Variants in KIF6 observed in about 807,000 individuals in gnomAD.
The protein encoded by KIF6 is kinesin family member 6, also known as kinesin-like protein KIF6.
Under a neutral mutation model 112.7 loss-of-function variants are expected in KIF6, and 106 were observed. The ratio of observed to expected loss-of-function variants is 0.94; its 90% CI spans 0.80 to 1.11. The LOEUF (loss-of-function observed/expected upper bound fraction) is 1.11. Among genes scored for constraint, KIF6 ranks in the 50% least tolerant of loss-of-function variants. KIF6 has a pLI of 0.00. For missense variants in KIF6, 929 were observed against 964.0 expected (o/e 0.96, Z 0.48); for synonymous variants, 339 against 339.9 (o/e 1.00, Z 0.03).
chr6:39,457,790 C>T (rs889430043), intron 13 of KIF6, among the ~76,000 whole-genome samples: 6 of 152,076 alleles, frequency 3.9e-5, no homozygotes, highest in South Asian at 2.1e-4. Context: ...GTACAATCCT[C>T]GACACATACA....
rs1408769995 is a variant in KIF6, at chr6:39,578,045, T to C, written c.1181+11A>G. 1.3e-6 allele frequency: 2 copies of C among 1,584,524 alleles called. No homozygotes were observed. Among genetic ancestry groups the C allele is most frequent in the East Asian group, 4.5e-5 (2 of 44,702 alleles). On this transcript the variant is annotated intron_variant, in intron 10 of 22. Transcript: ENST00000287152. ...TGTTAAAGAAAAAGAAAAAAAAGTC[T>C]GCAGACTTACTGAAGGAGCTCTGCT...
Position 39,677,553 on chromosome 6 carries a change from C to T in KIF6, c.251+37139G>A, listed in dbSNP as rs1324691369. Among the ~76,000 whole-genome samples the T allele has an allele frequency of 1.4e-4, 17 of 119,046 alleles. No homozygotes were observed. In the East Asian group the frequency reaches 3.0e-3, roughly 21 times the overall value. 78.1% of individuals were successfully genotyped at this position (119,046 alleles called of 152,430 possible). On this transcript the variant is annotated intron_variant, in intron 3 of 22. Coordinates refer to ENST00000287152, the MANE Select transcript of KIF6 (RefSeq NM_145027.6). ...TTTATTTATTTATTTTTATTTTACT[C>T]TAAGTTTTAGGGTACATGTGCACAT... is the stretch of plus-strand genomic sequence containing the variant.
At chr6:39,472,090 G>T (rs1052483087) in intron 13 of KIF6, among the ~76,000 whole-genome samples, 6 of 152,058 alleles carry the variant, frequency 3.9e-5, no homozygotes, top group African/African-American at 1.4e-4. Context: ...GCAAACTCCT[G>T]GAAGAGCTGT....
At chr6:39,476,038 G>C (rs1015672409) in intron 13 of KIF6, among the ~76,000 whole-genome samples, 1 of 151,840 alleles carries the variant, frequency 6.6e-6, no homozygotes, top group African/African-American at 2.4e-5. Context: ...ACACATACTC[G>C]GGCCTGTGGT....
At chr6:39,658,684 T>G (rs1785947174) in intron 3 of KIF6, among the ~76,000 whole-genome samples, 1 of 152,194 alleles carries the variant, frequency 6.6e-6, no homozygotes, top group East Asian at 1.9e-4. Flanking sequence ...CATGTTAAGT[T>G]CAGAGTCATA....
intron 6 of KIF6, among the ~76,000 whole-genome samples, chr6:39,606,323 A>C (rs182617956): frequency 6.6e-6 from 1 of 152,010 alleles, no homozygotes; most frequent in African/African-American, 2.4e-5. Context: ...AAAAACAAAG[A>C]TTGTCTTTAA....
Position 39,637,253 on chromosome 6 carries a change from A to T in KIF6, c.400-2295T>A, listed in dbSNP as rs139802505. On this transcript the variant is annotated intron_variant, in intron 4 of 22. Transcript: ENST00000287152. The stretch of plus-strand genomic sequence containing the variant: ...TCCACTGCCCTGAGGTGATAGGGAT[A>T]ATGTCTTTGGCTCTTTCAGCTTCTG... Among the ~76,000 whole-genome samples the T allele has an allele frequency of 1.4e-4, 21 of 152,146 alleles. No homozygotes were observed. In the East Asian group the frequency reaches 4.1e-3, roughly 29 times the overall value.
At chr6:39,412,148 A>G (rs1769524313) in intron 15 of KIF6, among the ~76,000 whole-genome samples, 1 of 152,176 alleles carries the variant, frequency 6.6e-6, no homozygotes. Context: ...CAATCTTGCT[A>G]GTGAAGGTAC....
chr6:39,429,161 A>G (rs1020850854), intron 14 of KIF6, among the ~76,000 whole-genome samples: 1 of 152,210 alleles, frequency 6.6e-6, no homozygotes, highest in Non-Finnish European at 1.5e-5. Flanking sequence ...AAAAGCCAGG[A>G]TGATAGTCTA....
intron 19 of KIF6, among the ~76,000 whole-genome samples, chr6:39,348,567 A>T (rs1039531983): frequency 6.6e-6 from 1 of 152,194 alleles, no homozygotes; most frequent in Admixed American, 6.5e-5. Context: ...CCTTTGCCCA[A>T]CCAGCCTTTG....
chr6:39,386,127 T>A (rs944030654), intron 15 of KIF6, among the ~76,000 whole-genome samples: 1 of 152,212 alleles, frequency 6.6e-6, no homozygotes, highest in African/African-American at 2.4e-5. Flanking sequence ...ATAACCCTAA[T>A]AGTTGGTCAT....
At chr6:39,571,158 T>A (rs1244739279) in intron 10 of KIF6, among the ~76,000 whole-genome samples, 1 of 152,204 alleles carries the variant, frequency 6.6e-6, no homozygotes, top group Non-Finnish European at 1.5e-5. Flanking sequence ...TGTTTTACAG[T>A]CATAAGTTAT....
At chr6:39,575,648 G>A (rs975831910) in intron 10 of KIF6, among the ~76,000 whole-genome samples, 2 of 152,104 alleles carry the variant, frequency 1.3e-5, no homozygotes, top group Admixed American at 6.6e-5. Context: ...AACTTCTCTG[G>A]GCTCTCTGTC....
intron 13 of KIF6, among the ~76,000 whole-genome samples, chr6:39,524,089 G>A (rs548919641): frequency 1.3e-5 from 2 of 151,974 alleles, no homozygotes; most frequent in African/African-American, 4.8e-5. Context: ...ATTGGCGAAA[G>A]AATAATGTTT....
chr6:39,362,639 T>C, intron 16 of KIF6, 121 bp from the exon 17 acceptor site: 1 of 749,172 alleles, frequency 1.3e-6, no homozygotes, highest in South Asian at 1.6e-5. Flanking sequence ...GTGAGTTCCT[T>C]CTGGGGCCTC....
chr6:39,559,683 C>T (rs1267183456), intron 10 of KIF6, among the ~76,000 whole-genome samples: 1 of 152,096 alleles, frequency 6.6e-6, no homozygotes, highest in African/African-American at 2.4e-5. Flanking sequence ...ATCTCATTTA[C>T]ATTTATTCAG....
At chr6:39,490,560 C>T (rs554380754) in intron 13 of KIF6, among the ~76,000 whole-genome samples, 20 of 152,152 alleles carry the variant, frequency 1.3e-4, no homozygotes, top group Admixed American at 3.9e-4. Flanking sequence ...TTGAGGAATT[C>T]GGGAAGGGAT....
chr6:39,360,486 A>T lies in KIF6; in HGVS notation c.1991T>A (p.Ile664Asn), dbSNP rs148383716. Residue 664 changes from isoleucine (I) to asparagine (N), a missense_variant, in exon 18 of 23, where the codon ATC (isoleucine) becomes AAC (asparagine). Around this residue, in one of 2 missense-constraint regions of KIF6, gnomAD observed 241 missense variants for 301.4 expected, o/e 0.80. Transcript: ENST00000287152. ...GTCCATGAGCAGCTGCAAGTGCTCG[A>T]TCTCCACCTTCAGGGCTTTCAGGCG... ...FTRLKALKVE[I>N]EHLQLLMDKA... is the part of the protein sequence containing the mutation. 86 of 1,614,100 alleles carry T rather than the reference A, an allele frequency of 5.3e-5. No individual in the cohort carries two copies. Among genetic ancestry groups the T allele is most frequent in the Non-Finnish European group, 6.9e-5 (82 of 1,180,044 alleles).
At chr6:39,581,583 A>C (rs1781299093) in intron 9 of KIF6, among the ~76,000 whole-genome samples, 1 of 152,126 alleles carries the variant, frequency 6.6e-6, no homozygotes, top group South Asian at 2.1e-4. Flanking sequence ...TTTTCAGAAA[A>C]ACTACTTTTT....
Sources: allele counts gnomAD v4.1 joint callset (sites outside exome capture counted in the v4.1 genomes callset), GRCh38; gene constraint gnomAD v4.1.1; regional missense constraint gnomAD v4.1.1; transcripts MANE v1.5; gene names NCBI Gene and HGNC (gene_info 2026-07-23, HGNC 2026-07-21).